The following GCC2 variants were observed in gnomAD, a reference collection of about 807,000 sequenced individuals.
The protein encoded by GCC2 is GRIP and coiled-coil domain containing 2.
In GCC2, 120 loss-of-function variants were observed where a neutral mutation model predicts 210.6. The observed-to-expected ratio is 0.57, with a 90% confidence interval of 0.49 to 0.66. The LOEUF (loss-of-function observed/expected upper bound fraction) is 0.66. Ranked by LOEUF, GCC2 falls within the 30% of genes least tolerant of loss-of-function variation. The pLI is 0.00. For missense variants in GCC2, 1,868 were observed against 1,871.9 expected (o/e 1.00, Z 0.04); for synonymous variants, 703 against 652.7 (o/e 1.08, Z -1.17).
At chr2:108,504,319 G>A (rs1398110023) in intron 22 of GCC2, among the ~76,000 whole-genome samples, 1 of 152,058 alleles carries the variant, frequency 6.6e-6, no homozygotes, top group African/African-American at 2.4e-5. Context: ...CTTTCTGTGG[G>A]TTTGGGTGTA....
At position 108,470,951 on chromosome 2, in the gene GCC2, A is replaced by G. The variant is rs771325509; in HGVS notation, c.1622A>G (p.Gln541Arg). 6.2e-7 allele frequency: 1 copy of G among 1,613,258 alleles called. No individual in the cohort carries two copies. The highest frequency in any genetic ancestry group is 8.5e-7 in the Non-Finnish European group (1 of 1,179,474). The change falls in exon 6 of 23, where the codon CAG (glutamine) becomes CGG (arginine). Residue 541 changes from glutamine (Q) to arginine (R), a missense_variant. Physicochemically the swap from Gln to Arg is conservative, Grantham distance 43. This residue lies in a region of GCC2 where 1,847 missense variants were observed against 1,765.2 expected (regional missense o/e 1.05). Coordinates refer to ENST00000309863, the MANE Select transcript of GCC2 (RefSeq NM_181453.4). ...DALLETVNRL[Q>R]GENEKLLSQQ... ...CTTCTCGAAACTGTGAATCGCCTCC[A>G]GGGAGAAAATGAAAAGTTACTATCT...
chr2:108,488,828 T>C (rs1314349976), intron 17 of GCC2, among the ~76,000 whole-genome samples: 1 of 152,218 alleles, frequency 6.6e-6, no homozygotes, highest in Non-Finnish European at 1.5e-5. Flanking sequence ...ATGTTTCTGT[T>C]ACTTTCATTT....
At chr2:108,487,982 C>A (rs1417668245) in intron 17 of GCC2, among the ~76,000 whole-genome samples, 162 bp downstream of exon 17, 4 of 148,788 alleles carry the variant, frequency 2.7e-5, no homozygotes. Context: ...TCTCAGCTCA[C>A]TGCCACTTCG....
rs1681164420 is a variant in GCC2 at position 108,470,821 on chromosome 2, G to C, written c.1492G>C (p.Ala498Pro). ...EILQTELGES[A>P]GKISQEFESM... is the part of the protein sequence containing the mutation. ...TTTACAAACAGAACTGGGGGAATCT[G>C]CTGGAAAAATAAGTCAAGAGTTCGA... is the stretch of plus-strand genomic sequence containing the variant. The change falls in exon 6 of 23, where the codon GCT (alanine) becomes CCT (proline). Residue 498 changes from alanine (A) to proline (P), a missense_variant. By Grantham distance (27) the Ala-to-Pro change is conservative. Coordinates refer to ENST00000309863, the MANE Select transcript of GCC2 (RefSeq NM_181453.4). The C allele has an allele frequency of 6.2e-7, 1 of 1,613,696 alleles. No individual in the cohort carries two copies. Among genetic ancestry groups the C allele is most frequent in the Non-Finnish European group, 8.5e-7 (1 of 1,179,704 alleles).
chr2:108,470,077 G>C lies in GCC2; in HGVS notation c.748G>C (p.Glu250Gln). The change falls in exon 6 of 23, where the codon GAA becomes CAA. Residue 250 changes from glutamate to glutamine, a missense_variant. Glu to Gln is a conservative substitution (Grantham distance 29). Coordinates refer to ENST00000309863, the MANE Select transcript of GCC2 (RefSeq NM_181453.4). ...ELLQLKAIHQ[E>Q]EVKELMCQIE... is the part of the protein sequence containing the mutation. The stretch of plus-strand genomic sequence containing the variant: ...TTTACAGTTGAAAGCTATACACCAA[G>C]AAGAGGTGAAAGAGTTGATGTGCCA... 6.2e-7 allele frequency: 1 copy of C among 1,613,664 alleles called. No homozygotes were observed. Among genetic ancestry groups the C allele is most frequent in the Non-Finnish European group, 8.5e-7 (1 of 1,179,712 alleles).
chr2:108,508,297 G>T lies in GCC2; in HGVS notation c.*667G>T, dbSNP rs1269442399. On this transcript the variant is annotated 3_prime_UTR_variant, in exon 23 of 23. Coordinates refer to ENST00000309863, the MANE Select transcript of GCC2 (RefSeq NM_181453.4). ...TAAAAGTGACATGTTAAGGGGCTAT[G>T]AAGTAAATATGCTGCAGTTAATTAT... The T allele has an allele frequency of 6.9e-6, 1 of 144,264 alleles. No homozygotes were observed. The highest frequency in any genetic ancestry group is 2.5e-5 in the African/African-American group (1 of 40,082). The allele number at this position is 144,264 out of a possible 1,614,324, so 8.9% of individuals were successfully genotyped here. A position where few individuals can be genotyped will look rare whatever the true frequency, so the allele number is the denominator to read the frequency against.
rs1681210897 is a variant in GCC2, at chr2:108,471,388, G to T, written c.2059G>T (p.Val687Leu). The T allele has an allele frequency of 1.2e-6, 2 of 1,608,028 alleles. No individual in the cohort carries two copies. Among genetic ancestry groups the T allele is most frequent in the Admixed American group, 1.7e-5 (1 of 58,756 alleles). ...SEDKEVLSAE[V>L]KSLYEENNKL... is the part of the protein sequence containing the mutation. ...AGACAAAGAAGTATTGTCAGCTGAA[G>T]TGAAGTCTCTTTATGAGGAAAACAA... Residue 687 changes from valine to leucine, a missense_variant, in exon 6 of 23, where the codon GTG becomes TTG. Transcript: ENST00000309863.
At chr2:108,452,372 G>A (rs374772923) in intron 3 of GCC2, 27 bp from the exon 4 acceptor site, 32 of 1,154,984 alleles carry the variant, frequency 2.8e-5, no homozygotes, top group South Asian at 7.5e-5. Context: ...TTTCTGAACC[G>A]GAGTCCTTTA....
intron 22 of GCC2, among the ~76,000 whole-genome samples, chr2:108,503,850 T>C (rs1683050479): frequency 6.6e-6 from 1 of 152,214 alleles, no homozygotes; most frequent in Non-Finnish European, 1.5e-5. Flanking sequence ...GACTCACACC[T>C]GTAAGCCCAA....
Position 108,497,056 on chromosome 2 carries a change from G to A in GCC2, c.4729G>A (p.Gly1577Ser), listed in dbSNP as rs202137644. Reference protein sequence around the residue: ...STTKSADHLNGLLRETEATNA... With the variant: ...STTKSADHLNSLLRETEATNA... Reference sequence around the variant, plus strand: ...CACAAAAAGTGCAGATCACTTAAACGGCCTGCTTCGGGAAACAGAAGCAAC... The same window carrying A: ...CACAAAAAGTGCAGATCACTTAAACAGCCTGCTTCGGGAAACAGAAGCAAC... The change falls in exon 21 of 23, where the codon GGC becomes AGC. Residue 1577 changes from glycine to serine, a missense_variant. By Grantham distance (56) the Gly-to-Ser change is moderately conservative. Transcript: ENST00000309863. 88 of 1,611,948 alleles carry A rather than the reference G, an allele frequency of 5.5e-5. No individual in the cohort carries two copies. Among genetic ancestry groups the A allele is most frequent in the African/African-American group, 3.3e-4 (25 of 74,942 alleles).
chr2:108,469,310 A>G, intron 5 of GCC2: 1 of 427,118 alleles, frequency 2.3e-6, no homozygotes. Flanking sequence ...CTATAATGCC[A>G]TCTTTACTAA....
At chr2:108,454,333 G>A (rs1680128234) in intron 4 of GCC2, among the ~76,000 whole-genome samples, 1 of 152,236 alleles carries the variant, frequency 6.6e-6, no homozygotes, top group Admixed American at 6.5e-5. Context: ...CTCCCCACTT[G>A]TGAGCAGTGA....
At chr2:108,468,500 C>G (rs1349030592) in intron 4 of GCC2, among the ~76,000 whole-genome samples, 1 of 151,574 alleles carries the variant, frequency 6.6e-6, no homozygotes, top group Admixed American at 6.6e-5. Context: ...TTTTTTCCAT[C>G]TCATTAATTT....
intron 4 of GCC2, among the ~76,000 whole-genome samples, chr2:108,458,374 CT>C (rs70956257): frequency 0.3 from 29,981 of 100,046 alleles, 2,564 homozygotes; most frequent in Middle Eastern, 0.5. Context: ...TTGTTGCTTT[CT>C]TTTTTTTTTT....
At chr2:108,490,115 TAAA>T (rs754776560) in intron 18 of GCC2, 101 bp downstream of exon 18, 2 of 838,964 alleles carry the variant, frequency 2.4e-6, no homozygotes, top group Admixed American at 3.7e-5. Flanking sequence ...GATTAGAAAA[TAAA>T]AAATAGACAT....
intron 19 of GCC2, chr2:108,493,609 A>G (rs1682510263): frequency 1.0e-6 from 1 of 985,292 alleles, no homozygotes; most frequent in Non-Finnish European, 1.2e-6. Flanking sequence ...AGTATCTTCC[A>G]TTCTGCTTCC....
chr2:108,469,969 G>C lies in GCC2; in HGVS notation c.640G>C (p.Glu214Gln). The C allele has an allele frequency of 1.2e-6, 2 of 1,613,216 alleles. No homozygotes were observed. Among genetic ancestry groups the C allele is most frequent in the Non-Finnish European group, 1.7e-6 (2 of 1,179,504 alleles). ...AGACGCTACCACTGATGAAAAGAAGGAAACAGTTACTCAACTCCAAAATAT... is the reference window on the plus strand; with the variant it reads ...AGACGCTACCACTGATGAAAAGAAGCAAACAGTTACTCAACTCCAAAATAT... ...QLDATTDEKK[E>Q]TVTQLQNIIE... is the part of the protein sequence containing the mutation. The change falls in exon 6 of 23, where the codon GAA becomes CAA. Residue 214 changes from glutamate (E) to glutamine (Q), a missense_variant. Coordinates refer to ENST00000309863, the MANE Select transcript of GCC2 (RefSeq NM_181453.4).
At chr2:108,451,335 AG>A (rs1205989716) in intron 3 of GCC2, among the ~76,000 whole-genome samples, 1 of 152,208 alleles carries the variant, frequency 6.6e-6, no homozygotes, top group Non-Finnish European at 1.5e-5. Context: ...TGTTAAAGTC[AG>A]GGAGGAGGAT....
intron 9 of GCC2, among the ~76,000 whole-genome samples, chr2:108,478,240 G>GTATAATTATAAAT (rs373121717): frequency 0.22 from 33,961 of 151,746 alleles, 4,191 homozygotes; most frequent in African/African-American, 0.32. Context: ...CTAATTCTTT[G>GTATAATTATAAAT]TCATGTATAA....
Sources: allele counts gnomAD v4.1 joint callset (sites outside exome capture counted in the v4.1 genomes callset), GRCh38; gene constraint gnomAD v4.1.1; regional missense constraint gnomAD v4.1.1; transcripts MANE v1.5; gene names NCBI Gene and HGNC (gene_info 2026-07-23, HGNC 2026-07-21).